NAV2: variants seen among roughly 807,000 people sequenced by gnomAD.
NAV2 encodes neuron navigator 2, also known as helicase, APC down-regulated 1.
In NAV2, 54 loss-of-function variants were observed where a neutral mutation model predicts 223.2. The ratio of observed to expected loss-of-function variants is 0.24; its 90% CI spans 0.19 to 0.30. The LOEUF is 0.30. Among genes scored for constraint, NAV2 ranks in the 10% least tolerant of loss-of-function variants. NAV2 has a pLI of 1.00. For synonymous variants in NAV2, 1,279 were observed against 1,239.3 expected, an observed-to-expected ratio of 1.03 and a Z score of -0.67; for missense variants, 2,806 against 3,147.5, an observed-to-expected ratio of 0.89 and a Z score of 2.60.
intron 1 of NAV2, among the ~76,000 whole-genome samples, chr11:19,415,985 A>T (rs1425198558): frequency 6.6e-6 from 1 of 152,186 alleles, no homozygotes; most frequent in Non-Finnish European, 1.5e-5. Flanking sequence ...CACAACCAAC[A>T]TCATACTAAA....
At chr11:20,018,457 G>A (rs1454136811) in intron 11 of NAV2, among the ~76,000 whole-genome samples, 1 of 151,948 alleles carries the variant, frequency 6.6e-6, no homozygotes, top group Non-Finnish European at 1.5e-5. Flanking sequence ...GGATCAGTGA[G>A]TCCCTGGAAA....
At chr11:19,838,715 C>A (rs919345727) in intron 2 of NAV2, among the ~76,000 whole-genome samples, 1 of 152,186 alleles carries the variant, frequency 6.6e-6, no homozygotes, top group African/African-American at 2.4e-5. Flanking sequence ...CCTCTGCCTC[C>A]CGGGTTCAAG....
intron 1 of NAV2, among the ~76,000 whole-genome samples, chr11:19,603,029 GAC>G (rs754745647): frequency 2.6e-5 from 4 of 151,994 alleles, no homozygotes; most frequent in African/African-American, 4.8e-5. Flanking sequence ...AGGGAGCAAT[GAC>G]ACATTTCTGC....
chr11:19,609,977 C>G (rs2046591753), intron 1 of NAV2, among the ~76,000 whole-genome samples: 1 of 152,170 alleles, frequency 6.6e-6, no homozygotes, highest in South Asian at 2.1e-4. Context: ...AGGCTAGGAA[C>G]AAGTATAATC....
chr11:19,919,756 C>A (rs867915962), intron 6 of NAV2, among the ~76,000 whole-genome samples: 1 of 152,192 alleles, frequency 6.6e-6, no homozygotes, highest in Admixed American at 6.5e-5. Context: ...TTGCAGTGTG[C>A]TTTCACATCA....
chr11:20,070,218 G>A (rs1247586141), intron 22 of NAV2, among the ~76,000 whole-genome samples: 1 of 152,138 alleles, frequency 6.6e-6, no homozygotes, highest in Non-Finnish European at 1.5e-5. Context: ...TAGATGTGTA[G>A]ATTTGAATCC....
At chr11:20,056,508 A>G (rs2094492459) in intron 19 of NAV2, 1 of 1,550,892 alleles carries the variant, frequency 6.4e-7, no homozygotes, top group Non-Finnish European at 8.9e-7. Flanking sequence ...TTGGATTTTT[A>G]TGTTTGGTTC....
intron 1 of NAV2, among the ~76,000 whole-genome samples, chr11:19,668,729 C>T (rs2048497416): frequency 6.6e-6 from 1 of 151,836 alleles, no homozygotes; most frequent in Non-Finnish European, 1.5e-5. Flanking sequence ...AGCCACCTCA[C>T]CCTGGTGTCC....
intron 1 of NAV2, among the ~76,000 whole-genome samples, chr11:19,479,012 C>G (rs1232440437): frequency 1.3e-5 from 2 of 152,132 alleles, no homozygotes; most frequent in East Asian, 3.9e-4. Context: ...GCAGATTCTA[C>G]AGAGGTGGGG....
At chr11:20,116,307 A>C (rs73438600) in intron 37 of NAV2, among the ~76,000 whole-genome samples, 2,121 of 152,342 alleles carry the variant, frequency 0.014, 53 homozygotes, top group African/African-American at 0.049. Context: ...GTTGTCTGCC[A>C]TCCTACTGTT....
chr11:19,659,896 A>G (rs1313481487), intron 1 of NAV2, among the ~76,000 whole-genome samples: 1 of 152,026 alleles, frequency 6.6e-6, no homozygotes, highest in Non-Finnish European at 1.5e-5. Flanking sequence ...TCAATGAGTT[A>G]CTCTCTATGG....
At chr11:19,975,047 A>G (rs1280562927) in intron 10 of NAV2, among the ~76,000 whole-genome samples, 1 of 152,188 alleles carries the variant, frequency 6.6e-6, no homozygotes, top group Non-Finnish European at 1.5e-5. Flanking sequence ...GTTTCATTCT[A>G]AGAAAGAGCT....
chr11:20,010,510 CT>C (rs1225582762), intron 11 of NAV2, among the ~76,000 whole-genome samples: 1 of 151,990 alleles, frequency 6.6e-6, no homozygotes, highest in Non-Finnish European at 1.5e-5. Flanking sequence ...CCCCCACCAC[CT>C]TTTTTTTAAT....
rs375162899 is a variant in NAV2 at position 20,044,945 on chromosome 11, A to C, written c.3200-23A>C. 238 of 1,575,654 alleles carry C rather than the reference A, an allele frequency of 1.5e-4. 1 individual carries two copies. In the African/African-American group the frequency reaches 3.1e-3, roughly 20 times the overall value. ...TGAGCTGGCTCTTGGCTTGCAGGCT[A>C]ATCTTGCTGATCTCTCTCTTAGGAA... On this transcript the variant is annotated intron_variant, in intron 13 of 37. Coordinates refer to ENST00000349880, the MANE Select transcript of NAV2 (RefSeq NM_145117.5).
At chr11:19,536,748 G>A (rs1427810190) in intron 1 of NAV2, among the ~76,000 whole-genome samples, 3 of 152,172 alleles carry the variant, frequency 2.0e-5, no homozygotes, top group Non-Finnish European at 4.4e-5. Flanking sequence ...TCTAGAAGCC[G>A]AAGTCTAAGA....
intron 25 of NAV2, chr11:20,082,723 C>A: frequency 1.9e-6 from 2 of 1,027,898 alleles, no homozygotes; most frequent in South Asian, 1.4e-5. Context: ...CTCATCTTCC[C>A]AACATCCATC....
intron 3 of NAV2, among the ~76,000 whole-genome samples, chr11:19,863,889 A>G (rs1251311439): frequency 6.6e-6 from 1 of 152,232 alleles, no homozygotes; most frequent in Non-Finnish European, 1.5e-5. Context: ...GGTGCTGAGT[A>G]AATAGGGGTG....
Position 19,933,879 on chromosome 11 carries a change from A to T in NAV2, c.1635A>T (p.Lys545Asn), listed in dbSNP as rs778542781. 1 of 1,599,700 alleles carries T rather than the reference A, an allele frequency of 6.3e-7. No individual in the cohort carries two copies. The highest frequency in any genetic ancestry group is 8.5e-7 in the Non-Finnish European group (1 of 1,174,980). ...CCAAGATTGCCAGCTTCATCCCCAA[A>T]GGGGGGAAGCTCAACAGTGCCAAGA... ...KSSKIASFIP[K>N]GGKLNSAKKE... is the part of the protein sequence containing the mutation. The change falls in exon 7 of 38, where the codon AAA becomes AAT. Residue 545 changes from lysine (K) to asparagine (N), a missense_variant. By Grantham distance (94) the Lys-to-Asn change is moderately conservative (BLOSUM62 0). Around this residue, in one of 4 missense-constraint regions of NAV2, gnomAD observed 1,167 missense variants for 1,180.5 expected, o/e 0.99. Coordinates refer to ENST00000349880, the MANE Select transcript of NAV2 (RefSeq NM_145117.5). This position sits in a 1 kb window ranked among gnomAD's most constrained non-coding sequence, Gnocchi z 4.3.
chr11:19,557,844 G>C (rs2044952939), intron 1 of NAV2, among the ~76,000 whole-genome samples: 1 of 152,180 alleles, frequency 6.6e-6, no homozygotes, highest in Non-Finnish European at 1.5e-5. Context: ...CGGAAGGCTT[G>C]GACAGTCAGT....
Sources: allele counts gnomAD v4.1 joint callset (sites outside exome capture counted in the v4.1 genomes callset), GRCh38; gene constraint gnomAD v4.1.1; regional missense constraint gnomAD v4.1.1; non-coding constraint Gnocchi (gnomAD v3.1); transcripts MANE v1.5; gene names NCBI Gene and HGNC (gene_info 2026-07-23, HGNC 2026-07-21).